Variants in GCNT1 observed in about 807,000 individuals in gnomAD.
The protein encoded by GCNT1 is beta-1,3-galactosyl-O-glycosyl-glycoprotein beta-1,6-N-acetylglucosaminyltransferase.
In GCNT1, 16 loss-of-function variants were observed where a neutral mutation model predicts 26.2. The ratio of observed to expected loss-of-function variants is 0.61; its 90% confidence interval spans 0.41 to 0.93. The LOEUF (loss-of-function observed/expected upper bound fraction) is 0.93, where lower values mean the gene tolerates loss of function less well. GCNT1 is among the 40% of genes least tolerant of loss of function. GCNT1 has a pLI of 0.00. For missense variants in GCNT1, 477 were observed against 526.7 expected (o/e 0.91, Z 0.92); for synonymous variants, 183 against 190.8 (o/e 0.96, Z 0.34).
intron 1 of GCNT1, among the ~76,000 whole-genome samples, chr9:76,433,798 A>C (rs11144899): frequency 0.55 from 83,002 of 151,928 alleles, 22,988 homozygotes; most frequent in Non-Finnish European, 0.59. Context: ...AGATAGTAGG[A>C]TGTGTGATGG....
chr9:76,434,763 G>T (rs1018137209), intron 1 of GCNT1, among the ~76,000 whole-genome samples: 4 of 152,204 alleles, frequency 2.6e-5, no homozygotes, highest in Non-Finnish European at 5.9e-5. Context: ...AAGTAAGAGA[G>T]ATATCGCTAA....
intron 2 of GCNT1, among the ~76,000 whole-genome samples, chr9:76,464,058 AAAT>A (rs1293885568): frequency 6.6e-6 from 1 of 150,392 alleles, no homozygotes; most frequent in Non-Finnish European, 1.5e-5. Context: ...TTTTTTGTAA[AAAT>A]AATAATAAAA....
the GCNT1 span, among the ~76,000 whole-genome samples, chr9:76,412,065 C>G: frequency 6.6e-6 from 1 of 152,148 alleles, no homozygotes; most frequent in Admixed American, 6.5e-5. Flanking sequence ...ACATTTACAA[C>G]TAACTGAAGT....
chr9:76,406,585 C>T, the GCNT1 span, among the ~76,000 whole-genome samples: 2 of 151,832 alleles, frequency 1.3e-5, no homozygotes, highest in Admixed American at 6.6e-5. Flanking sequence ...CCTGTAGTCC[C>T]AGCTACTCAG....
the GCNT1 span, among the ~76,000 whole-genome samples, chr9:76,403,090 C>A: frequency 6.6e-6 from 1 of 152,146 alleles, no homozygotes. Flanking sequence ...AACTTCTACC[C>A]ACATGAGACA....
chr9:76,440,033 G>A (rs1392245018), upstream of GCNT1, among the ~76,000 whole-genome samples: 3 of 151,734 alleles, frequency 2.0e-5, no homozygotes, highest in Non-Finnish European at 4.4e-5. Flanking sequence ...CCCAGGAGGC[G>A]GAGGTTGCAG....
chr9:76,396,469 G>GAAAGA, the GCNT1 span, among the ~76,000 whole-genome samples: 2 of 147,678 alleles, frequency 1.4e-5, no homozygotes, highest in African/African-American at 5.0e-5. Flanking sequence ...AGAGAAAAAA[G>GAAAGA]AAAGAAAAGA....
chr9:76,497,563 G>A (rs11144927), intron 2 of GCNT1, among the ~76,000 whole-genome samples: 11 of 152,124 alleles, frequency 7.2e-5, no homozygotes, highest in Non-Finnish European at 1.2e-4. Flanking sequence ...GTGATTTTAC[G>A]TTGTAAAAAG....
chr9:76,502,555 T>A lies in GCNT1; in HGVS notation c.174T>A (p.Asn58Lys). ...GGGAGAATCCTAGTAGTGATATTAA[T>A]TGCACCAAAGTTTTACAGGGTGATG... ...LAGENPSSDI[N>K]CTKVLQGDVN... Residue 58 changes from asparagine (N) to lysine (K), a missense_variant, in exon 4 of 4, where the codon AAT becomes AAA. Coordinates refer to ENST00000376730, the MANE Select transcript of GCNT1 (RefSeq NM_001490.5). The A allele has an allele frequency of 6.2e-7, 1 of 1,614,034 alleles. No individual in the cohort carries two copies. The highest frequency in any genetic ancestry group is 8.5e-7 in the Non-Finnish European group (1 of 1,179,944).
chr9:76,407,938 A>G, the GCNT1 span, among the ~76,000 whole-genome samples: 2 of 152,228 alleles, frequency 1.3e-5, no homozygotes, highest in Admixed American at 1.3e-4. Flanking sequence ...TTGCTGATAT[A>G]CCAGAAAGGA....
the GCNT1 span, among the ~76,000 whole-genome samples, chr9:76,407,844 T>C: frequency 1.7e-4 from 26 of 152,338 alleles, no homozygotes; most frequent in Non-Finnish European, 1.5e-4. Flanking sequence ...TTTTGTTAGA[T>C]TCATACCTAA....
intron 3 of GCNT1, among the ~76,000 whole-genome samples, chr9:76,501,313 A>G (rs1825060490): frequency 6.6e-6 from 1 of 152,192 alleles, no homozygotes; most frequent in Admixed American, 6.5e-5. Context: ...CCAAGTTATA[A>G]AATTGATTTT....
At chr9:76,398,707 A>G in the GCNT1 span, 2 of 1,284,758 alleles carry the variant, frequency 1.6e-6, no homozygotes, top group Non-Finnish European at 2.2e-6. Context: ...CAATGTCCGG[A>G]GCCCTTGATG....
chr9:76,432,117 GA>G (rs950197319), intron 1 of GCNT1, among the ~76,000 whole-genome samples: 1 of 151,040 alleles, frequency 6.6e-6, no homozygotes, highest in African/African-American at 2.4e-5. Flanking sequence ...TCAAGAAAAG[GA>G]AAAAAAAGGA....
chr9:76,499,050 A>ATT (rs34354937), intron 2 of GCNT1, among the ~76,000 whole-genome samples: 88,819 of 150,572 alleles, frequency 0.59, 26,560 homozygotes, highest in East Asian at 0.7. Flanking sequence ...GCTAGTGATA[A>ATT]TTTTTTTTTT....
intron 2 of GCNT1, among the ~76,000 whole-genome samples, chr9:76,491,475 A>T (rs1410955760): frequency 6.6e-6 from 1 of 152,128 alleles, no homozygotes; most frequent in African/African-American, 2.4e-5. Context: ...GTAGGATTAG[A>T]TAAGCATACT....
the GCNT1 span, among the ~76,000 whole-genome samples, chr9:76,397,141 G>T: frequency 6.6e-6 from 1 of 152,162 alleles, no homozygotes; most frequent in African/African-American, 2.4e-5. Context: ...AATTAGCCAG[G>T]CATGGCAGTG....
chr9:76,422,360 C>G (rs958101409), intron 1 of GCNT1, among the ~76,000 whole-genome samples: 3 of 152,142 alleles, frequency 2.0e-5, no homozygotes, highest in African/African-American at 7.2e-5. Flanking sequence ...TGAACCACGG[C>G]ACTCAGCAGT....
chr9:76,428,387 A>T (rs990747988), intron 1 of GCNT1, among the ~76,000 whole-genome samples: 1 of 151,622 alleles, frequency 6.6e-6, no homozygotes, highest in African/African-American at 2.4e-5. Flanking sequence ...GGTCAATTAG[A>T]TATGCATAAA....
Sources: allele counts gnomAD v4.1 joint callset (sites outside exome capture counted in the v4.1 genomes callset), GRCh38; gene constraint gnomAD v4.1.1; transcripts MANE v1.5; gene names NCBI Gene and HGNC (gene_info 2026-07-23, HGNC 2026-07-21).